The following IDI1 variants were observed in gnomAD, a reference collection of about 807,000 sequenced individuals.
IDI1 encodes isopentenyl-diphosphate Delta-isomerase 1.
Under a neutral mutation model 32.9 loss-of-function variants are expected in IDI1, and 23 were observed. The ratio of observed to expected loss-of-function variants is 0.70; its 90% CI spans 0.50 to 0.99. The LOEUF (loss-of-function observed/expected upper bound fraction) is 0.99. IDI1 is among the 50% of genes least tolerant of loss of function. The pLI is 0.00. For missense variants in IDI1, 326 were observed against 351.9 expected, an observed-to-expected ratio of 0.93 and a Z score of 0.59; for synonymous variants, 133 against 128.2, an observed-to-expected ratio of 1.04 and a Z score of -0.25.
upstream of IDI1, among the ~76,000 whole-genome samples, chr10:1,052,831 T>C (rs773526964): frequency 7.9e-4 from 121 of 152,214 alleles, 2 homozygotes; most frequent in Non-Finnish European, 1.9e-4. Context: ...AGCCTGTCCT[T>C]TGGAGCTCTG....
At chr10:1,050,067 C>T (rs1334587365), upstream of IDI1, among the ~76,000 whole-genome samples, 1 of 152,214 alleles carries the variant, frequency 6.6e-6, no homozygotes, top group Non-Finnish European at 1.5e-5. Context: ...ACCTGGTGGG[C>T]ACCAGTTCTC....
chr10:1,044,027 ATTC>A lies in IDI1; in HGVS notation c.282_284del (p.Lys94del), dbSNP rs748438987. 1.1e-4 allele frequency: 175 copies of A among 1,612,624 alleles called. No homozygotes were observed. Among genetic ancestry groups the A allele is most frequent in the Non-Finnish European group, 1.4e-4 (163 of 1,179,726 alleles). On this transcript the variant is annotated inframe_deletion, in exon 2 of 5. Coordinates refer to ENST00000381344, the MANE Select transcript of IDI1 (RefSeq NM_004508.4). ...TCTCAATGTTCTCGTTCAGGTGACA[ATTC>A]TTCTTGGTCTCAGCTCCAATTTTAT...
At chr10:1,048,246 T>C (rs1564488199) in intron 1 of IDI1, 3 of 1,303,506 alleles carry the variant, frequency 2.3e-6, no homozygotes, top group Admixed American at 2.3e-5. Context: ...TACGTCTATT[T>C]ATGCGTTTAA....
the IDI1 span, among the ~76,000 whole-genome samples, chr10:1,055,219 A>G: frequency 2.0e-5 from 3 of 152,218 alleles, no homozygotes; most frequent in Non-Finnish European, 4.4e-5. Context: ...CCACATTCTC[A>G]TGCTTAAAAT....
chr10:1,044,723 C>G lies in IDI1; in HGVS notation c.141-552G>C, dbSNP rs139446463. On this transcript the variant is annotated intron_variant, in intron 1 of 4. Transcript: ENST00000381344. ...CAGTAAGACTTAATCCAGTTTTTCT[C>G]AACCCAAGCTCCTGGGTTATCAGAA... Among the ~76,000 whole-genome samples, 675 of 152,338 alleles carry G rather than the reference C, an allele frequency of 4.4e-3. 6 individuals are homozygous for G. Among genetic ancestry groups the G allele is most frequent in the African/African-American group, 0.015 (610 of 41,574 alleles).
At position 1,048,877 on chromosome 10, in the gene IDI1, G is replaced by C; in HGVS notation, c.127C>G (p.Arg43Gly). The C allele has an allele frequency of 6.2e-7, 1 of 1,605,824 alleles. No homozygotes were observed. The highest frequency in any genetic ancestry group is 1.1e-5 in the South Asian group (1 of 90,782). Residue 43 changes from arginine to glycine, a missense_variant, in exon 1 of 5, where the codon CGG becomes GGG. Coordinates refer to ENST00000381344, the MANE Select transcript of IDI1 (RefSeq NM_004508.4). ...RHPGPAVVCG[R>G]RLISVLEQIR... is the part of the protein sequence containing the mutation. The stretch of plus-strand genomic sequence containing the variant: ...CGTCCACAGTACCTGATCAGCCTCC[G>C]GCCACAGACAACCGCCGGTCCCGGA...
At chr10:1,053,955 A>C (rs1833078402), upstream of IDI1, among the ~76,000 whole-genome samples, 1 of 152,140 alleles carries the variant, frequency 6.6e-6, no homozygotes, top group Non-Finnish European at 1.5e-5. Flanking sequence ...AAGGAGAGAG[A>C]TAGGGAGGCA....
At chr10:1,042,408 G>A (rs986870264) in intron 4 of IDI1, 6 of 479,028 alleles carry the variant, frequency 1.3e-5, no homozygotes, top group African/African-American at 1.2e-4. Context: ...ACCTTATATA[G>A]TGCTTAACAG....
upstream of IDI1, among the ~76,000 whole-genome samples, chr10:1,053,948 G>C (rs1053475908): frequency 6.6e-6 from 1 of 152,142 alleles, no homozygotes; most frequent in Non-Finnish European, 1.5e-5. Flanking sequence ...TGAGCAGAAG[G>C]AGAGAGATAG....
At chr10:1,056,476 CA>C in the IDI1 span, 3 of 152,138 alleles carry the variant, frequency 2.0e-5, no homozygotes, top group Non-Finnish European at 4.4e-5. Flanking sequence ...CCCCGGGTCT[CA>C]GGCCTCAGGC....
chr10:1,054,723 T>C, the IDI1 span, among the ~76,000 whole-genome samples: 5 of 152,246 alleles, frequency 3.3e-5, no homozygotes, highest in Admixed American at 2.0e-4. Context: ...GGTTAAATTG[T>C]GTCCCCCTTT....
At chr10:1,055,962 C>G in the IDI1 span, among the ~76,000 whole-genome samples, 2 of 152,154 alleles carry the variant, frequency 1.3e-5, no homozygotes, top group Non-Finnish European at 2.9e-5. Flanking sequence ...GCGCGCGCCG[C>G]CACGCCCGGC....
intron 2 of IDI1, 158 bp from the exon 3 acceptor site, chr10:1,043,551 A>C: frequency 1.4e-6 from 1 of 703,390 alleles, no homozygotes; most frequent in Non-Finnish European, 2.6e-6. Flanking sequence ...TATGGTGAGG[A>C]AGAGCTCTGC....
chr10:1,041,665 T>C (rs1017484622), intron 4 of IDI1, among the ~76,000 whole-genome samples, 161 bp from the exon 5 acceptor site: 7 of 151,908 alleles, frequency 4.6e-5, no homozygotes, highest in Non-Finnish European at 7.4e-5. Flanking sequence ...TATATGGAAA[T>C]CTTAATATTA....
At chr10:1,050,594 C>T (rs919471799), upstream of IDI1, among the ~76,000 whole-genome samples, 10 of 152,172 alleles carry the variant, frequency 6.6e-5, no homozygotes, top group Admixed American at 6.5e-4. Flanking sequence ...ATAATTATTA[C>T]TTAATTATTC....
At chr10:1,054,260 A>G in the IDI1 span, among the ~76,000 whole-genome samples, 4,855 of 152,330 alleles carry the variant, frequency 0.032, 118 homozygotes, top group Middle Eastern at 0.051. Flanking sequence ...GAAGTGCAAT[A>G]AAGTGATACA....
At chr10:1,051,960 C>T (rs926257867), upstream of IDI1, among the ~76,000 whole-genome samples, 2 of 152,168 alleles carry the variant, frequency 1.3e-5, no homozygotes, top group Non-Finnish European at 2.9e-5. Flanking sequence ...GTAACCTCCA[C>T]CTCCTGGGTT....
intron 1 of IDI1, among the ~76,000 whole-genome samples, chr10:1,045,687 G>A (rs761722344): frequency 3.3e-5 from 5 of 152,200 alleles, no homozygotes; most frequent in African/African-American, 7.2e-5. Flanking sequence ...TGCTGATCTC[G>A]AACTCCTAAC....
chr10:1,047,926 A>G (rs1832845104), intron 1 of IDI1, among the ~76,000 whole-genome samples: 1 of 152,262 alleles, frequency 6.6e-6, no homozygotes, highest in South Asian at 2.1e-4. Context: ...ATCCATGGAT[A>G]TGGACCCCAA....
Sources: allele counts gnomAD v4.1 joint callset (sites outside exome capture counted in the v4.1 genomes callset), GRCh38; gene constraint gnomAD v4.1.1; transcripts MANE v1.5; gene names NCBI Gene and HGNC (gene_info 2026-07-23, HGNC 2026-07-21).